PNLDC1: variants seen among roughly 807,000 people sequenced by gnomAD.
The protein encoded by PNLDC1 is PARN like ribonuclease domain containing exonuclease 1.
PNLDC1 carries 70 observed loss-of-function variants against 82.0 expected under a neutral mutation model. That is an observed-to-expected ratio of 0.85 (90% CI 0.70 to 1.04). PNLDC1 has a LOEUF of 1.04. Among genes scored for constraint, PNLDC1 ranks in the 50% least tolerant of loss-of-function variants. The probability of loss-of-function intolerance (pLI) is 0.00; values close to 1 mark genes in which losing one functional copy is unlikely to be tolerated. For synonymous variants in PNLDC1, 280 were observed against 249.3 expected (o/e 1.12, Z -1.16); for missense variants, 631 against 661.1 (o/e 0.95, Z 0.50).
At chr6:159,812,119 C>G (rs975771741) in intron 11 of PNLDC1, among the ~76,000 whole-genome samples, 38 of 152,140 alleles carry the variant, frequency 2.5e-4, no homozygotes, top group African/African-American at 9.2e-4. Context: ...CCAGGATCGT[C>G]TTGATCTCCT....
At chr6:159,800,422 C>T (rs1200973609) in intron 1 of PNLDC1, 39 bp downstream of exon 1, 5 of 1,534,362 alleles carry the variant, frequency 3.3e-6, no homozygotes, top group Non-Finnish European at 4.4e-6. Context: ...CGGACAGAGC[C>T]CCTTGCCCCG....
chr6:159,800,278 C>A lies in PNLDC1; in HGVS notation c.-30C>A. On this transcript the variant is annotated 5_prime_UTR_variant, in exon 1 of 19. Transcript: ENST00000392167. ...GCAGCACGTGGGCAGCACGTGATAG[C>A]GCTGGGCGACTCCGCGGAGCTGCAC... 2 of 1,537,630 alleles carry A rather than the reference C, an allele frequency of 1.3e-6. No individual in the cohort carries two copies. The highest frequency in any genetic ancestry group is 2.0e-5 in the Admixed American group (1 of 50,530).
chr6:159,816,621 G>A (rs753550865), intron 14 of PNLDC1, 25 bp downstream of exon 14: 20 of 1,568,098 alleles, frequency 1.3e-5, no homozygotes, highest in Non-Finnish European at 1.6e-5. Flanking sequence ...TCCTTTAAAA[G>A]GAAACTCACT....
At chr6:159,807,868 TTC>T (rs1162088479) in intron 7 of PNLDC1, among the ~76,000 whole-genome samples, 1 of 152,216 alleles carries the variant, frequency 6.6e-6, no homozygotes, top group Non-Finnish European at 1.5e-5. Flanking sequence ...AGGCTAGTAA[TTC>T]TGTTCCCTTT....
intron 13 of PNLDC1, 122 bp downstream of exon 13, chr6:159,816,155 AC>A (rs1295312720): frequency 1.0e-5 from 1 of 97,132 alleles, no homozygotes; most frequent in South Asian, 2.1e-4. Context: ...ACCCCTCCCC[AC>A]CCCCCCACAC....
intron 6 of PNLDC1, 106 bp from the exon 7 acceptor site, chr6:159,805,877 G>A (rs1781428807): frequency 2.5e-6 from 2 of 804,204 alleles, no homozygotes; most frequent in Admixed American, 3.7e-5. Flanking sequence ...TTTGTATATT[G>A]CAACATGAAA....
chr6:159,817,239 A>AG, intron 15 of PNLDC1, 88 bp downstream of exon 15: 1 of 1,210,236 alleles, frequency 8.3e-7, no homozygotes, highest in Non-Finnish European at 1.2e-6. Flanking sequence ...CTCCAGTCCC[A>AG]GGGTTCTACC....
chr6:159,807,806 A>G (rs1211987983), intron 7 of PNLDC1, among the ~76,000 whole-genome samples: 1 of 152,234 alleles, frequency 6.6e-6, no homozygotes, highest in Non-Finnish European at 1.5e-5. Context: ...TTAAGAAACT[A>G]CCACTTGTTG....
Position 159,816,050 on chromosome 6 carries a change from C to A in PNLDC1, c.1060+17C>A. 6.3e-6 allele frequency: 10 copies of A among 1,597,384 alleles called. No homozygotes were observed. The highest frequency in any genetic ancestry group is 1.1e-5 in the South Asian group (1 of 90,654). On this transcript the variant is annotated intron_variant, in intron 13 of 18. Coordinates refer to ENST00000392167, the MANE Select transcript of PNLDC1 (RefSeq NM_001271862.2). ...AGAAATATGGTACGTTCCCATGAGC[C>A]CATAATCCTTGCACAGTCGGCAGAG...
chr6:159,815,865 C>A, intron 12 of PNLDC1, 104 bp from the exon 13 acceptor site: 2 of 840,524 alleles, frequency 2.4e-6, no homozygotes, highest in Non-Finnish European at 1.9e-6. Flanking sequence ...GATATGTCCT[C>A]AGTACATTTA....
Position 159,801,128 on chromosome 6 carries a change from A to G in PNLDC1, c.150A>G (p.Pro50=), listed in dbSNP as rs765610792. Residue 50 remains proline (P), a synonymous_variant, in exon 3 of 19, where the codon CCA becomes CCG. Transcript: ENST00000392167. ...TTGTTCACAGTCTTTTTGATTTGCC[A>G]TCGGAGTGGTATCTAAAGACCCGTC... ...GPQQISLFDL[P]SEWYLKTRQS... The G allele has an allele frequency of 6.2e-7, 1 of 1,614,190 alleles. No individual in the cohort carries two copies. The highest frequency in any genetic ancestry group is 1.7e-5 in the Admixed American group (1 of 60,022).
intron 12 of PNLDC1, 64 bp downstream of exon 12, chr6:159,813,720 G>A: frequency 6.9e-7 from 1 of 1,447,376 alleles, no homozygotes; most frequent in Non-Finnish European, 9.7e-7. Context: ...GTGCTCCGCA[G>A]GCCTTTGGGC....
chr6:159,805,742 G>A (rs1781424162), intron 6 of PNLDC1: 2 of 480,224 alleles, frequency 4.2e-6, no homozygotes, highest in South Asian at 2.3e-5. Flanking sequence ...ACATCCTAGT[G>A]AAGCAGGAGG....
At position 159,819,253 on chromosome 6, in the gene PNLDC1, G is replaced by C. The variant is rs749253988; in HGVS notation, c.1434-1G>C. On this transcript the variant is annotated splice_acceptor_variant, in intron 17 of 18. Coordinates refer to ENST00000392167, the MANE Select transcript of PNLDC1 (RefSeq NM_001271862.2). LOFTEE classifies it high-confidence loss of function. This position sits in a 1 kb window ranked among gnomAD's most constrained non-coding sequence, Gnocchi z 4.6. ...TGACCACAGCAAACTTGTTTTGGCA[G>C]TGCGCGGAACATCCTGAAGGAGTAC... 1.2e-6 allele frequency: 2 copies of C among 1,613,840 alleles called. No homozygotes were observed. The highest frequency in any genetic ancestry group is 2.2e-5 in the South Asian group (2 of 91,082).
At chr6:159,816,869 T>C in intron 14 of PNLDC1, among the ~76,000 whole-genome samples, 1 of 152,166 alleles carries the variant, frequency 6.6e-6, no homozygotes, top group Non-Finnish European at 1.5e-5. Context: ...TTCACCATGC[T>C]GCCCAGGCTG....
chr6:159,814,363 C>T (rs565723010), intron 12 of PNLDC1, among the ~76,000 whole-genome samples: 2 of 152,206 alleles, frequency 1.3e-5, no homozygotes, highest in East Asian at 3.9e-4. Flanking sequence ...TCTCAAGGGC[C>T]CCTCCTCAAC....
chr6:159,804,735 C>A, intron 6 of PNLDC1, 98 bp downstream of exon 6: 1 of 844,766 alleles, frequency 1.2e-6, no homozygotes. Context: ...TGGTGACCTC[C>A]ATCCATGCTT....
At chr6:159,808,128 G>A (rs956566270) in intron 7 of PNLDC1, among the ~76,000 whole-genome samples, 8 of 151,978 alleles carry the variant, frequency 5.3e-5, no homozygotes, top group Non-Finnish European at 1.2e-4. Context: ...TGGCCAGGTT[G>A]GTCTCGAACT....
intron 8 of PNLDC1, 96 bp from the exon 9 acceptor site, chr6:159,808,919 T>G: frequency 6.3e-7 from 1 of 1,587,998 alleles, no homozygotes; most frequent in Non-Finnish European, 8.6e-7. Flanking sequence ...CGCTGCTAGT[T>G]TTTCCCCCTT....
Sources: allele counts gnomAD v4.1 joint callset (sites outside exome capture counted in the v4.1 genomes callset), GRCh38; gene constraint gnomAD v4.1.1; non-coding constraint Gnocchi (gnomAD v3.1); transcripts MANE v1.5; gene names NCBI Gene and HGNC (gene_info 2026-07-23, HGNC 2026-07-21).